The following RABGAP1L variants were observed in gnomAD, a reference collection of about 807,000 sequenced individuals.
RABGAP1L encodes the protein RAB GTPase activating protein 1 like, also known as rab GTPase-activating protein 1-like.
RABGAP1L carries 63 observed loss-of-function variants against 137.7 expected under a neutral mutation model. The ratio of observed to expected loss-of-function variants is 0.46; its 90% CI spans 0.37 to 0.56. RABGAP1L has a LOEUF of 0.56. Ranked by LOEUF, RABGAP1L falls within the 20% of genes least tolerant of loss-of-function variation. The probability of loss-of-function intolerance (pLI) is 0.00; values close to 1 mark genes in which losing one functional copy is unlikely to be tolerated. For missense variants in RABGAP1L, 1,095 were observed against 1,244.0 expected (o/e 0.88, Z 1.80); for synonymous variants, 431 against 433.7 (o/e 0.99, Z 0.08).
chr1:174,963,694 C>T (rs1669368325), intron 20 of RABGAP1L, among the ~76,000 whole-genome samples: 1 of 151,840 alleles, frequency 6.6e-6, no homozygotes, highest in Non-Finnish European at 1.5e-5. Context: ...AAATCTGGCT[C>T]ACTGCCAGTT....
chr1:174,403,208 A>AGTGGGT (rs1648820400), intron 13 of RABGAP1L, among the ~76,000 whole-genome samples: 1 of 126,676 alleles, frequency 7.9e-6, no homozygotes, highest in Non-Finnish European at 1.6e-5. Context: ...TATATATGAG[A>AGTGGGT]GTGTGTGTGT....
intron 13 of RABGAP1L, among the ~76,000 whole-genome samples, chr1:174,504,606 CA>C (rs1661643757): frequency 6.6e-6 from 1 of 151,960 alleles, no homozygotes. Flanking sequence ...ACAACTATGC[CA>C]AGAACACACA....
At chr1:174,168,375 G>A (rs1294875934) in intron 1 of RABGAP1L, among the ~76,000 whole-genome samples, 1 of 151,802 alleles carries the variant, frequency 6.6e-6, no homozygotes, top group Non-Finnish European at 1.5e-5. Context: ...TTGGCAGACA[G>A]TAGGGTTTCT....
At chr1:174,654,663 A>C (rs1340609831) in intron 14 of RABGAP1L, among the ~76,000 whole-genome samples, 1 of 152,142 alleles carries the variant, frequency 6.6e-6, no homozygotes, top group African/African-American at 2.4e-5. Context: ...GTTGTTTTAC[A>C]TTTCTGTGTC....
chr1:174,384,085 G>A (rs2149051907), intron 12 of RABGAP1L, among the ~76,000 whole-genome samples: 1 of 152,302 alleles, frequency 6.6e-6, no homozygotes, highest in South Asian at 2.1e-4. Flanking sequence ...TGTATGGAAT[G>A]CTACTGAGCA....
At chr1:174,506,216 A>G (rs941067754) in intron 13 of RABGAP1L, among the ~76,000 whole-genome samples, 5 of 152,242 alleles carry the variant, frequency 3.3e-5, no homozygotes, top group African/African-American at 1.2e-4. Context: ...GATCTATTGT[A>G]TATCATGGTA....
intron 10 of RABGAP1L, among the ~76,000 whole-genome samples, chr1:174,292,667 G>A (rs1393114730): frequency 6.6e-6 from 1 of 151,926 alleles, no homozygotes; most frequent in African/African-American, 2.4e-5. Flanking sequence ...TTATGACTCA[G>A]CATATGGTCT....
At chr1:174,163,359 T>C (rs1664660485) in intron 1 of RABGAP1L, among the ~76,000 whole-genome samples, 1 of 152,312 alleles carries the variant, frequency 6.6e-6, no homozygotes. Context: ...TTACTTCCCA[T>C]ATTGCTCTTA....
intron 1 of RABGAP1L, among the ~76,000 whole-genome samples, chr1:174,173,575 A>G (rs1205937985): frequency 1.3e-5 from 2 of 152,118 alleles, no homozygotes; most frequent in African/African-American, 2.4e-5. Flanking sequence ...TAATATCATT[A>G]TATATATGAA....
chr1:174,633,151 A>G (rs1444813430), intron 13 of RABGAP1L, among the ~76,000 whole-genome samples: 2 of 151,122 alleles, frequency 1.3e-5, no homozygotes, highest in Admixed American at 1.3e-4. Context: ...CTCAGCCCAA[A>G]ATCTCCTTAA....
At chr1:174,198,593 A>G (rs2148377919) in intron 1 of RABGAP1L, among the ~76,000 whole-genome samples, 1 of 152,350 alleles carries the variant, frequency 6.6e-6, no homozygotes, top group East Asian at 1.9e-4. Flanking sequence ...AAATCTTTTT[A>G]GTAATCAAAT....
chr1:174,651,874 CATT>C (rs1386745138), intron 14 of RABGAP1L, among the ~76,000 whole-genome samples: 1 of 152,146 alleles, frequency 6.6e-6, no homozygotes, highest in African/African-American at 2.4e-5. Flanking sequence ...TTGATCCTGT[CATT>C]ATGATGTTAG....
intron 14 of RABGAP1L, among the ~76,000 whole-genome samples, chr1:174,674,603 A>C (rs1389801748): frequency 6.6e-6 from 1 of 151,164 alleles, no homozygotes; most frequent in East Asian, 2.0e-4. Context: ...GTATATACCC[A>C]GTAATGGGAT....
intron 13 of RABGAP1L, among the ~76,000 whole-genome samples, chr1:174,415,306 G>A (rs116087778): frequency 0.019 from 2,901 of 151,954 alleles, 34 homozygotes; most frequent in Non-Finnish European, 0.03. Flanking sequence ...CTTCCATTAA[G>A]CACATAATAG....
chr1:174,333,908 TG>T (rs1681254376), intron 11 of RABGAP1L, among the ~76,000 whole-genome samples: 1 of 152,176 alleles, frequency 6.6e-6, no homozygotes, highest in African/African-American at 2.4e-5. Context: ...ATTATAATCC[TG>T]GTTGGGGAAA....
intron 13 of RABGAP1L, among the ~76,000 whole-genome samples, chr1:174,458,907 A>G (rs1656349532): frequency 6.6e-6 from 1 of 152,108 alleles, no homozygotes; most frequent in Non-Finnish European, 1.5e-5. Flanking sequence ...CCGTAAAACA[A>G]AAAACTAAAA....
intron 13 of RABGAP1L, among the ~76,000 whole-genome samples, chr1:174,612,252 G>A (rs2148217137): frequency 6.6e-6 from 1 of 152,316 alleles, no homozygotes; most frequent in South Asian, 2.1e-4. Context: ...TTTATTGAGA[G>A]TTTTTAGCAT....
intron 13 of RABGAP1L, among the ~76,000 whole-genome samples, chr1:174,465,218 G>A (rs1208193350): frequency 6.6e-6 from 1 of 151,340 alleles, no homozygotes; most frequent in African/African-American, 2.4e-5. Flanking sequence ...CATTTTTTTT[G>A]AGGCGGAGTC....
intron 18 of RABGAP1L, among the ~76,000 whole-genome samples, chr1:174,780,817 G>A (rs191822350): frequency 6.8e-6 from 1 of 147,472 alleles, no homozygotes; most frequent in African/African-American, 2.5e-5. Flanking sequence ...GAGAACATGC[G>A]GTGTTTGGTT....
Sources: gnomAD v4.1 joint callset for allele counts (sites outside exome capture counted in the v4.1 genomes callset) on GRCh38, gnomAD v4.1.1 for gene constraint, MANE v1.5 for transcripts, NCBI Gene and HGNC (gene_info 2026-07-23, HGNC 2026-07-21) for gene names.